Variants in PRMT8 observed in about 807,000 individuals in gnomAD.
The protein encoded by PRMT8 is protein arginine methyltransferase 8.
A neutral mutation model predicts 47.1 loss-of-function variants in PRMT8; 7 were observed. The observed-to-expected ratio is 0.15, with a 90% confidence interval of 0.08 to 0.28. The LOEUF (loss-of-function observed/expected upper bound fraction) is 0.28. Among genes scored for constraint, PRMT8 ranks in the 10% least tolerant of loss-of-function variants. PRMT8 has a pLI of 1.00. For synonymous variants in PRMT8, 188 were observed against 186.5 expected (o/e 1.01, Z -0.07); for missense variants, 237 against 505.4 (o/e 0.47, Z 5.09).
chr12:3,532,626 A>AG (rs1480659600), intron 1 of PRMT8, among the ~76,000 whole-genome samples: 8 of 149,686 alleles, frequency 5.3e-5, no homozygotes, highest in Non-Finnish European at 1.0e-4. Flanking sequence ...AAAAAAAAAA[A>AG]AAAAAAAAAA....
At chr12:3,442,563 A>T (rs910184857) in intron 1 of PRMT8, among the ~76,000 whole-genome samples, 1 of 152,158 alleles carries the variant, frequency 6.6e-6, no homozygotes, top group Non-Finnish European at 1.5e-5. Flanking sequence ...TGCTGCAAAG[A>T]GAATGGGGTA....
intron 6 of PRMT8, among the ~76,000 whole-genome samples, chr12:3,571,094 G>A (rs537910617): frequency 4.5e-4 from 69 of 152,212 alleles, no homozygotes; most frequent in Admixed American, 6.5e-5. Context: ...ATATATTAAA[G>A]GACGTGACAG....
intron 2 of PRMT8, 62 bp downstream of exon 2, chr12:3,540,853 A>T (rs1365335110): frequency 6.5e-7 from 1 of 1,526,758 alleles, no homozygotes; most frequent in East Asian, 2.3e-5. Context: ...TGTTGTTTTC[A>T]GAGGCAGCAT....
chr12:3,565,653 C>T (rs1235895102), intron 4 of PRMT8, among the ~76,000 whole-genome samples: 1 of 152,210 alleles, frequency 6.6e-6, no homozygotes, highest in East Asian at 1.9e-4. Context: ...TTTTGCTATT[C>T]TGTGACCCCC....
At chr12:3,383,106 T>C (rs911887868) in intron 1 of PRMT8, among the ~76,000 whole-genome samples, 1 of 152,250 alleles carries the variant, frequency 6.6e-6, no homozygotes, top group Non-Finnish European at 1.5e-5. Flanking sequence ...TCTTGGTAAG[T>C]GTAGCTGTAT....
At chr12:3,403,782 C>T (rs1864343868) in intron 1 of PRMT8, among the ~76,000 whole-genome samples, 1 of 145,308 alleles carries the variant, frequency 6.9e-6, no homozygotes, top group Non-Finnish European at 1.5e-5. Flanking sequence ...GAAGCTGAGG[C>T]AGGAGAATCA....
At chr12:3,425,063 C>T (rs928129027) in intron 1 of PRMT8, among the ~76,000 whole-genome samples, 1 of 152,138 alleles carries the variant, frequency 6.6e-6, no homozygotes, top group Non-Finnish European at 1.5e-5. Flanking sequence ...GTTGGGCCTG[C>T]TAGAATAAGC....
chr12:3,518,077 G>A (rs7969082), intron 1 of PRMT8, among the ~76,000 whole-genome samples: 19,881 of 150,606 alleles, frequency 0.13, 1,673 homozygotes, highest in East Asian at 0.25. Context: ...CCCTTGCCCA[G>A]TGAAAAGCCC....
intron 1 of PRMT8, among the ~76,000 whole-genome samples, chr12:3,513,803 GA>G (rs1303776870): frequency 6.6e-6 from 1 of 152,182 alleles, no homozygotes; most frequent in Non-Finnish European, 1.5e-5. Flanking sequence ...ACCAGTCTTG[GA>G]AAAATGTTTA....
chr12:3,555,618 T>C (rs572386564), intron 4 of PRMT8, among the ~76,000 whole-genome samples: 1 of 152,136 alleles, frequency 6.6e-6, no homozygotes, highest in Non-Finnish European at 1.5e-5. Context: ...GGCTTCTCTA[T>C]GGAGGATGGG....
At chr12:3,553,489 G>T in intron 3 of PRMT8, 162 bp from the exon 4 acceptor site, 2 of 651,116 alleles carry the variant, frequency 3.1e-6, no homozygotes, top group East Asian at 2.7e-5. Context: ...CCTTGAGGTG[G>T]GGGGGCTGGG....
At chr12:3,418,373 T>A (rs1864504660) in intron 1 of PRMT8, among the ~76,000 whole-genome samples, 1 of 152,234 alleles carries the variant, frequency 6.6e-6, no homozygotes, top group Non-Finnish European at 1.5e-5. Context: ...AAAGGGGGCA[T>A]GGCCTGAGTG....
At chr12:3,496,214 A>ATATATATATTTT in intron 1 of PRMT8, among the ~76,000 whole-genome samples, 29 of 27,742 alleles carry the variant, frequency 1.0e-3, no homozygotes, top group Admixed American at 2.2e-3. Flanking sequence ...ATATATATAT[A>ATATATATATTTT]TTTTTTTTTT....
intron 1 of PRMT8, among the ~76,000 whole-genome samples, chr12:3,507,162 C>T (rs1378643066): frequency 6.8e-6 from 1 of 147,020 alleles, no homozygotes; most frequent in African/African-American, 2.5e-5. Flanking sequence ...CGCTCTTTCA[C>T]CCAGGCTGGA....
intron 4 of PRMT8, among the ~76,000 whole-genome samples, chr12:3,559,046 C>G (rs1866584902): frequency 6.6e-6 from 1 of 152,030 alleles, no homozygotes; most frequent in Admixed American, 6.5e-5. Context: ...TCTGTCCATC[C>G]ATCCAGCCAG....
chr12:3,472,112 TC>T (rs1865168024), intron 1 of PRMT8, among the ~76,000 whole-genome samples: 1 of 152,054 alleles, frequency 6.6e-6, no homozygotes, highest in South Asian at 2.1e-4. Flanking sequence ...GAGTCAGATC[TC>T]CCCATCAGGT....
chr12:3,453,485 G>C lies in PRMT8; in HGVS notation c.48+72043G>C, dbSNP rs1864942232. On this transcript the variant is annotated intron_variant, in intron 1 of 9. Coordinates refer to the PRMT8 transcript ENST00000452611. This position sits in a 1 kb window ranked among gnomAD's most constrained non-coding sequence, Gnocchi z 4.9. Reference sequence around the variant, plus strand: ...CCTGGAGGCTACTGCTGCTGGGACTGTGCGGTGCCGTAGGACATGATTTCT... The same window carrying C: ...CCTGGAGGCTACTGCTGCTGGGACTCTGCGGTGCCGTAGGACATGATTTCT... 6.6e-6 allele frequency among the ~76,000 whole-genome samples: 1 copy of C among 152,198 alleles called. No individual in the cohort carries two copies. The highest frequency in any genetic ancestry group is 2.4e-5 in the African/African-American group (1 of 41,440).
intron 1 of PRMT8, among the ~76,000 whole-genome samples, chr12:3,444,940 C>T (rs1476680020): frequency 1.3e-5 from 2 of 152,184 alleles, no homozygotes; most frequent in East Asian, 3.9e-4. Context: ...ATCTGGAGCT[C>T]GACCACCTGT....
chr12:3,512,583 A>T (rs923336841), intron 1 of PRMT8, among the ~76,000 whole-genome samples: 10 of 152,066 alleles, frequency 6.6e-5, no homozygotes, highest in Non-Finnish European at 1.2e-4. Flanking sequence ...CCCCTGCCCC[A>T]ATCTCAGATG....
Sources: gnomAD v4.1 joint callset for allele counts (sites outside exome capture counted in the v4.1 genomes callset) on GRCh38, gnomAD v4.1.1 for gene constraint, Gnocchi (gnomAD v3.1) non-coding constraint, MANE v1.5 for transcripts, NCBI Gene and HGNC (gene_info 2026-07-23, HGNC 2026-07-21) for gene names.